The following ADCY3 variants were observed in gnomAD, a reference collection of about 807,000 sequenced individuals.
ADCY3 encodes adenylate cyclase type 3.
A neutral mutation model predicts 119.4 loss-of-function variants in ADCY3; 70 were observed. That is an observed-to-expected ratio of 0.59 (90% CI 0.48 to 0.72). The LOEUF (loss-of-function observed/expected upper bound fraction) is 0.72. ADCY3 is among the 30% of genes least tolerant of loss of function. ADCY3 has a pLI of 0.00. For missense variants in ADCY3, 1,238 were observed against 1,541.6 expected, an observed-to-expected ratio of 0.80 and a Z score of 3.30; for synonymous variants, 672 against 621.4, an observed-to-expected ratio of 1.08 and a Z score of -1.21.
intron 3 of ADCY3, among the ~76,000 whole-genome samples, chr2:24,843,498 G>A (rs1671295344): frequency 2.0e-5 from 3 of 152,222 alleles, no homozygotes; most frequent in Admixed American, 6.5e-5. Flanking sequence ...AAGTTTTCCT[G>A]GCACCCAGCC....
intron 2 of ADCY3, among the ~76,000 whole-genome samples, chr2:24,883,488 T>C (rs1676660757): frequency 6.6e-6 from 1 of 152,222 alleles, no homozygotes; most frequent in Non-Finnish European, 1.5e-5. Context: ...TCACATGTTC[T>C]GAAAACACAG....
At chr2:24,906,104 C>T (rs530528101) in intron 2 of ADCY3, among the ~76,000 whole-genome samples, 2 of 151,980 alleles carry the variant, frequency 1.3e-5, no homozygotes, top group Non-Finnish European at 2.9e-5. Context: ...GTCAGGAGAT[C>T]GAGACCAGCC....
At chr2:24,821,084 T>C (rs1667616538) in intron 20 of ADCY3, 1 of 546,608 alleles carries the variant, frequency 1.8e-6, no homozygotes. Context: ...GGCATGGTAG[T>C]GGCCAGCTTC....
intron 3 of ADCY3, among the ~76,000 whole-genome samples, chr2:24,850,266 C>A (rs1280168154): frequency 6.6e-6 from 1 of 152,170 alleles, no homozygotes; most frequent in Non-Finnish European, 1.5e-5. Context: ...TTTCCTGGAT[C>A]CTGGCCCCTT....
rs961279019 is a variant in ADCY3, at chr2:24,840,024, G to A, written c.1204C>T (p.Arg402Trp). ...TCCACCCCAGTCTTGGTCTTCTCCCGCACATACCTGCCAGGTACACACAGA... is the reference window on the plus strand; with the variant it reads ...TCCACCCCAGTCTTGGTCTTCTCCCACACATACCTGCCAGGTACACACAGA... ...LAMVEAISYV[R>W]EKTKTGVDMR... The change falls in exon 7 of 22, where the codon CGG becomes TGG. Residue 402 changes from arginine to tryptophan, a missense_variant. Arg to Trp is a moderately radical substitution (Grantham distance 101). Coordinates refer to ENST00000679454, the MANE Select transcript of ADCY3 (RefSeq NM_004036.5). 3.1e-6 allele frequency: 5 copies of A among 1,609,412 alleles called. No individual in the cohort carries two copies. The highest frequency in any genetic ancestry group is 3.4e-6 in the Non-Finnish European group (4 of 1,176,612).
chr2:24,820,436 T>A, intron 21 of ADCY3: 1 of 1,322,572 alleles, frequency 7.6e-7, no homozygotes, highest in South Asian at 2.1e-5. Context: ...TCGTGGAGCT[T>A]TTCTGCCAGA....
Position 24,828,000 on chromosome 2 carries a change from C to T in ADCY3, c.2334G>A (p.Thr778=), listed in dbSNP as rs775810904. ...CGGCGCCTGCGACGAGCAGCATGAG[C>T]GTGAGCTTCACCATGTGGCTGACCT... is the stretch of plus-strand genomic sequence containing the variant. ...LVQVSHMVKL[T]LMLLVAGAVA... is the part of the protein sequence containing the mutation. The change falls in exon 14 of 22, where the codon ACG becomes ACA. Residue 778 remains threonine (T), a synonymous_variant. Transcript: ENST00000679454. The T allele has an allele frequency of 1.1e-5, 17 of 1,614,110 alleles. No individual in the cohort carries two copies. Among genetic ancestry groups the T allele is most frequent in the East Asian group, 4.5e-5 (2 of 44,894 alleles).
chr2:24,823,121 G>A, intron 18 of ADCY3, 88 bp downstream of exon 18: 1 of 1,473,132 alleles, frequency 6.8e-7, no homozygotes, highest in Non-Finnish European at 9.1e-7. Context: ...AATGAAGCCA[G>A]TTTCTCTGGC....
At chr2:24,840,465 C>A in intron 6 of ADCY3, 1 of 407,992 alleles carries the variant, frequency 2.5e-6, no homozygotes. Flanking sequence ...CCTGGACTAC[C>A]ACCCCTGGGG....
intron 3 of ADCY3, among the ~76,000 whole-genome samples, chr2:24,868,743 G>A (rs1456398931): frequency 1.3e-5 from 2 of 151,558 alleles, no homozygotes; most frequent in African/African-American, 2.4e-5. Flanking sequence ...GAGGCTGGGC[G>A]CGGTGGCTCA....
At chr2:24,914,025 C>T (rs890833762) in intron 2 of ADCY3, among the ~76,000 whole-genome samples, 12 of 151,836 alleles carry the variant, frequency 7.9e-5, no homozygotes, top group Non-Finnish European at 1.5e-4. Context: ...GCTGGTCCTG[C>T]AGGTCCTGGT....
At chr2:24,830,198 G>C (rs1007946152) in intron 13 of ADCY3, among the ~76,000 whole-genome samples, 1 of 151,184 alleles carries the variant, frequency 6.6e-6, no homozygotes, top group African/African-American at 2.4e-5. Flanking sequence ...GCACCACCAT[G>C]CCTGGCTAAT....
intron 15 of ADCY3, among the ~76,000 whole-genome samples, chr2:24,827,311 G>A (rs1285433892): frequency 6.6e-6 from 1 of 152,158 alleles, no homozygotes; most frequent in African/African-American, 2.4e-5. Flanking sequence ...TTTTCCTGCT[G>A]CCTGTCTGTC....
chr2:24,834,959 G>A lies in ADCY3; in HGVS notation c.1663-23C>T. Reference sequence around the variant, plus strand: ...GGCCTGTGAGCCAGGGAGGCAGCGTGAGTGGGGCAGATGGGACAGAGTGGT... The same window carrying A: ...GGCCTGTGAGCCAGGGAGGCAGCGTAAGTGGGGCAGATGGGACAGAGTGGT... On this transcript the variant is annotated intron_variant, in intron 9 of 21. Transcript: ENST00000679454. The surrounding 1 kb of genome is among the most constrained non-coding windows in gnomAD (Gnocchi z 4.2). The A allele has an allele frequency of 1.2e-6, 2 of 1,610,200 alleles. No homozygotes were observed. Among genetic ancestry groups the A allele is most frequent in the African/African-American group, 2.7e-5 (2 of 75,038 alleles).
chr2:24,857,366 G>A (rs1169082004), intron 3 of ADCY3, among the ~76,000 whole-genome samples: 1 of 152,218 alleles, frequency 6.6e-6, no homozygotes, highest in African/African-American at 2.4e-5. Flanking sequence ...AAGAGTTAAC[G>A]AGCTGTCAAC....
chr2:24,854,604 T>C (rs1323021869), intron 3 of ADCY3, among the ~76,000 whole-genome samples: 1 of 152,130 alleles, frequency 6.6e-6, no homozygotes, highest in African/African-American at 2.4e-5. Flanking sequence ...TGGTGCAACA[T>C]ACAGGATGAA....
At position 24,841,461 on chromosome 2, in the gene ADCY3, G is replaced by A. The variant is rs533655047; in HGVS notation, c.1069-75C>T. 1 of 1,592,386 alleles carries A rather than the reference G, an allele frequency of 6.3e-7. No homozygotes were observed. The highest frequency in any genetic ancestry group is 2.3e-5 in the East Asian group (1 of 44,314). On this transcript the variant is annotated intron_variant, in intron 5 of 21. Transcript: ENST00000679454. The surrounding 1 kb of genome is among the most constrained non-coding windows in gnomAD (Gnocchi z 5.8). ...GGAGTGGCCAAGAAAGCAGAGGAAG[G>A]ACAGTGGGAGAAAATCATGGGGCCG...
chr2:24,907,380 T>C (rs1219444056), intron 2 of ADCY3, among the ~76,000 whole-genome samples: 2 of 152,190 alleles, frequency 1.3e-5, no homozygotes, highest in Non-Finnish European at 2.9e-5. Context: ...CAGTCGCTTA[T>C]GTTGGGGTTT....
At chr2:24,836,279 C>T (rs1206132843) in intron 9 of ADCY3, among the ~76,000 whole-genome samples, 1 of 152,220 alleles carries the variant, frequency 6.6e-6, no homozygotes, top group African/African-American at 2.4e-5. Flanking sequence ...TACCCTGAGC[C>T]CCATCTACCC....
Sources: gnomAD v4.1 joint callset for allele counts (sites outside exome capture counted in the v4.1 genomes callset) on GRCh38, gnomAD v4.1.1 for gene constraint, Gnocchi (gnomAD v3.1) non-coding constraint, MANE v1.5 for transcripts, NCBI Gene and HGNC (gene_info 2026-07-23, HGNC 2026-07-21) for gene names.